Variants in FAM53B observed in about 807,000 individuals in gnomAD.
FAM53B encodes the protein family with sequence similarity 53 member B, also known as protein FAM53B.
FAM53B carries 12 observed loss-of-function variants against 32.7 expected under a neutral mutation model. The observed-to-expected ratio is 0.37, with a 90% CI of 0.24 to 0.59. The LOEUF (loss-of-function observed/expected upper bound fraction) is 0.59. Ranked by LOEUF, FAM53B falls within the 20% of genes least tolerant of loss-of-function variation. The pLI, the probability that FAM53B is intolerant of heterozygous loss-of-function variation, is 0.72. For synonymous variants in FAM53B, 234 were observed against 228.7 expected (o/e 1.02, Z -0.21); for missense variants, 477 against 577.7 (o/e 0.83, Z 1.79).
At position 124,620,195 on chromosome 10, in the gene FAM53B, C is replaced by G. The variant is rs761868654; in HGVS notation, c.*3047G>C. ...AACAAGCTCCCCACGGGCCCAGGTG[C>G]ACGTCTGCCCGTGCAAATCCGGCCT... is the stretch of plus-strand genomic sequence containing the variant. On this transcript the variant is annotated 3_prime_UTR_variant, in exon 5 of 5. Transcript: ENST00000337318. The G allele has an allele frequency of 6.6e-6, 1 of 152,648 alleles. No individual in the cohort carries two copies. The highest frequency in any genetic ancestry group is 1.5e-5 in the Non-Finnish European group (1 of 68,044). 9.5% of individuals were successfully genotyped at this position (152,648 alleles called of 1,614,324 possible).
chr10:124,716,854 G>T (rs1464786427), intron 1 of FAM53B, among the ~76,000 whole-genome samples: 1 of 152,030 alleles, frequency 6.6e-6, no homozygotes, highest in Non-Finnish European at 1.5e-5. Flanking sequence ...CAAACCGGGG[G>T]AAGGGAAAGA....
intron 1 of FAM53B, among the ~76,000 whole-genome samples, chr10:124,731,527 T>C (rs1162617143): frequency 6.6e-6 from 1 of 152,106 alleles, no homozygotes; most frequent in African/African-American, 2.4e-5. Flanking sequence ...TGCCTTGTAC[T>C]ATAAGAGGCT....
At chr10:124,729,483 C>T (rs561639572) in intron 1 of FAM53B, among the ~76,000 whole-genome samples, 1 of 152,348 alleles carries the variant, frequency 6.6e-6, no homozygotes, top group African/African-American at 2.4e-5. Context: ...GAGCTAAGTT[C>T]ATCAGGCTTA....
In FAM53B at chr10:124,743,138, G is replaced by A. The variant is rs1402594605; in HGVS notation, c.-175+875C>T. ...CGAAAATGGGGGTGGAGAGCTGGGG[G>A]CTGGGGGACAAGGTGGGGGGGCGGG... On this transcript the variant is annotated intron_variant, in intron 1 of 4. Coordinates refer to ENST00000337318, the MANE Select transcript of FAM53B (RefSeq NM_014661.4). 6.2e-5 allele frequency among the ~76,000 whole-genome samples: 9 copies of A among 144,906 alleles called. 1 individual carries two copies. The highest frequency in any genetic ancestry group is 4.8e-4 in the Admixed American group (7 of 14,438).
At chr10:124,638,522 C>T (rs1255454023) in intron 4 of FAM53B, among the ~76,000 whole-genome samples, 1 of 152,222 alleles carries the variant, frequency 6.6e-6, no homozygotes, top group Non-Finnish European at 1.5e-5. Flanking sequence ...TCACAAGCAG[C>T]TCGGGGCTCA....
At chr10:124,653,721 C>G (rs1034499396) in intron 4 of FAM53B, among the ~76,000 whole-genome samples, 3 of 152,196 alleles carry the variant, frequency 2.0e-5, no homozygotes, top group Non-Finnish European at 4.4e-5. Flanking sequence ...ATGGCCCACG[C>G]AGAGCCTATC....
chr10:124,620,816 C>CCTGA lies in FAM53B; in HGVS notation c.*2422_*2425dup. On this transcript the variant is annotated 3_prime_UTR_variant, in exon 5 of 5. Transcript: ENST00000337318. ...AGAAGGGATAGCCACCATTTTCTCC[C>CCTGA]CTGACTGCTGCGTGGTGGGCACAGG... The CCTGA allele has an allele frequency of 6.6e-6, 1 of 152,596 alleles. No individual in the cohort carries two copies. The highest frequency in any genetic ancestry group is 1.9e-4 in the East Asian group (1 of 5,190). 9.5% of individuals were successfully genotyped at this position (152,596 alleles called of 1,614,324 possible).
At chr10:124,641,197 C>T (rs767510984) in intron 4 of FAM53B, among the ~76,000 whole-genome samples, 1 of 152,208 alleles carries the variant, frequency 6.6e-6, no homozygotes, top group Non-Finnish European at 1.5e-5. Context: ...AATGCTCACA[C>T]GTCACACACA....
At chr10:124,722,921 T>A (rs1453890660) in intron 1 of FAM53B, among the ~76,000 whole-genome samples, 1 of 152,208 alleles carries the variant, frequency 6.6e-6, no homozygotes, top group African/African-American at 2.4e-5. Flanking sequence ...CACATGCAGT[T>A]TCCTGCCTCC....
At chr10:124,662,432 A>C (rs1053925954) in intron 4 of FAM53B, among the ~76,000 whole-genome samples, 1 of 151,664 alleles carries the variant, frequency 6.6e-6, no homozygotes, top group African/African-American at 2.4e-5. Context: ...CCATCCATCC[A>C]TCCATCCACC....
intron 4 of FAM53B, among the ~76,000 whole-genome samples, chr10:124,633,792 A>G (rs1435768699): frequency 6.6e-6 from 1 of 152,248 alleles, no homozygotes; most frequent in Non-Finnish European, 1.5e-5. Context: ...AACTCAACAC[A>G]GACCAAAGAG....
rs1429916601 is a variant in FAM53B, at chr10:124,621,199, C to A, written c.*2043G>T. ...GCCTGCTATAGAGGCTGTGTGCCCTCGGCCACACCGGGCATGTGGTGCCAG... is the reference window on the plus strand; with the variant it reads ...GCCTGCTATAGAGGCTGTGTGCCCTAGGCCACACCGGGCATGTGGTGCCAG... On this transcript the variant is annotated 3_prime_UTR_variant, in exon 5 of 5. Transcript: ENST00000337318. The A allele has an allele frequency of 6.6e-6, 1 of 152,232 alleles. No individual in the cohort carries two copies. Among genetic ancestry groups the A allele is most frequent in the Non-Finnish European group, 1.5e-5 (1 of 68,034 alleles). 9.4% of individuals were successfully genotyped at this position (152,232 alleles called of 1,614,324 possible). A position where few individuals can be genotyped will look rare whatever the true frequency, so the allele number is the denominator to read the frequency against.
At chr10:124,732,292 A>G (rs1950148511) in intron 1 of FAM53B, among the ~76,000 whole-genome samples, 1 of 152,126 alleles carries the variant, frequency 6.6e-6, no homozygotes, top group Admixed American at 6.5e-5. Context: ...CCCATAAGGG[A>G]TTCTACCCTG....
chr10:124,725,947 C>A (rs1463657764), intron 1 of FAM53B, among the ~76,000 whole-genome samples: 1 of 152,160 alleles, frequency 6.6e-6, no homozygotes, highest in East Asian at 1.9e-4. Context: ...GGGGGGAACA[C>A]TGGGGTACCT....
At chr10:124,685,407 T>C (rs904477336) in intron 3 of FAM53B, among the ~76,000 whole-genome samples, 1 of 152,222 alleles carries the variant, frequency 6.6e-6, no homozygotes, top group East Asian at 1.9e-4. Flanking sequence ...CTCTGCTGGG[T>C]TGGCTCCTCT....
Position 124,623,237 on chromosome 10 carries a change from C to T in FAM53B, c.*5G>A, listed in dbSNP as rs186004071. 1.2e-4 allele frequency: 184 copies of T among 1,583,388 alleles called. No individual in the cohort carries two copies. Among genetic ancestry groups the T allele is most frequent in the Non-Finnish European group, 1.1e-4 (127 of 1,163,138 alleles). On this transcript the variant is annotated 3_prime_UTR_variant, in exon 5 of 5. Transcript: ENST00000337318. ...CACCCCAGCCCTGCCTGGGCCCACACCCCCTCAGTTCTTCTCTATCTGCTC... is the reference window on the plus strand; with the variant it reads ...CACCCCAGCCCTGCCTGGGCCCACATCCCCTCAGTTCTTCTCTATCTGCTC...
chr10:124,719,639 T>C (rs1950057401), intron 1 of FAM53B, among the ~76,000 whole-genome samples: 1 of 152,130 alleles, frequency 6.6e-6, no homozygotes. Flanking sequence ...GCTGTCACTG[T>C]CCCCCTAGTG....
At chr10:124,663,661 C>T (rs1243761965) in intron 4 of FAM53B, among the ~76,000 whole-genome samples, 1 of 152,214 alleles carries the variant, frequency 6.6e-6, no homozygotes, top group Non-Finnish European at 1.5e-5. Context: ...ATCGTGCTGC[C>T]AGGTGATGTC....
At chr10:124,623,657 C>A in intron 4 of FAM53B, 53 bp from the exon 5 acceptor site, 2 of 1,545,444 alleles carry the variant, frequency 1.3e-6, no homozygotes, top group Non-Finnish European at 1.7e-6. Flanking sequence ...TCCCGCAGCC[C>A]CAGGACTGCA....
Sources: gnomAD v4.1 joint callset for allele counts (sites outside exome capture counted in the v4.1 genomes callset) on GRCh38, gnomAD v4.1.1 for gene constraint, MANE v1.5 for transcripts, NCBI Gene and HGNC (gene_info 2026-07-23, HGNC 2026-07-21) for gene names.